The following SUGCT variants were observed in gnomAD, a reference collection of about 807,000 sequenced individuals.
SUGCT encodes succinyl-CoA:glutarate-CoA transferase.
In SUGCT, 41 loss-of-function variants were observed where a neutral mutation model predicts 55.0. The ratio of observed to expected loss-of-function variants is 0.74; its 90% CI spans 0.58 to 0.97. The LOEUF is 0.97. Among genes scored for constraint, SUGCT ranks in the 50% least tolerant of loss-of-function variants. SUGCT has a pLI of 0.00. For missense variants in SUGCT, 568 were observed against 547.8 expected (o/e 1.04, Z -0.37); for synonymous variants, 187 against 200.4 (o/e 0.93, Z 0.56).
chr7:40,138,694 G>A (rs1406175582), intron 1 of SUGCT, among the ~76,000 whole-genome samples: 1 of 152,010 alleles, frequency 6.6e-6, no homozygotes, highest in Non-Finnish European at 1.5e-5. Context: ...TAGCCATTCT[G>A]TTGTGTGTAA....
At chr7:40,789,723 G>A (rs1184673509) in intron 13 of SUGCT, among the ~76,000 whole-genome samples, 1 of 152,150 alleles carries the variant, frequency 6.6e-6, no homozygotes, top group East Asian at 1.9e-4. Flanking sequence ...GTCCTAAAGA[G>A]TAAAAGCCTA....
At chr7:40,654,265 G>A (rs1393214025) in intron 12 of SUGCT, among the ~76,000 whole-genome samples, 1 of 151,382 alleles carries the variant, frequency 6.6e-6, no homozygotes, top group African/African-American at 2.4e-5. Context: ...AGAGCTCAGG[G>A]GAAAAAAAAA....
At chr7:40,734,199 A>G (rs548888768) in intron 12 of SUGCT, among the ~76,000 whole-genome samples, 2 of 152,346 alleles carry the variant, frequency 1.3e-5, no homozygotes, top group African/African-American at 4.8e-5. Flanking sequence ...CACCAGCAGA[A>G]GAAATGACAA....
At chr7:40,367,125 T>C (rs1382853793) in intron 9 of SUGCT, among the ~76,000 whole-genome samples, 1 of 151,972 alleles carries the variant, frequency 6.6e-6, no homozygotes, top group Admixed American at 6.6e-5. Flanking sequence ...GGGACATGGA[T>C]GAAATTGGAA....
chr7:40,703,061 C>CTTTTTT (rs58887234), intron 12 of SUGCT, among the ~76,000 whole-genome samples: 1 of 115,774 alleles, frequency 8.6e-6, no homozygotes. Context: ...TTCAGCCTAG[C>CTTTTTT]TTTTTTTTTT....
intron 9 of SUGCT, among the ~76,000 whole-genome samples, chr7:40,354,224 G>A (rs1276196901): frequency 6.6e-6 from 1 of 152,138 alleles, no homozygotes; most frequent in Admixed American, 6.6e-5. Context: ...TTTGTGAGGT[G>A]GATTTATTGG....
intron 12 of SUGCT, among the ~76,000 whole-genome samples, chr7:40,659,149 C>G (rs961817777): frequency 2.0e-5 from 3 of 152,160 alleles, no homozygotes; most frequent in Admixed American, 2.0e-4. Flanking sequence ...CAGGACAGAT[C>G]AACTCCCAAA....
At chr7:40,540,907 G>T (rs1794636697) in intron 12 of SUGCT, among the ~76,000 whole-genome samples, 1 of 152,224 alleles carries the variant, frequency 6.6e-6, no homozygotes. Flanking sequence ...TTGGCAAGAA[G>T]AGAGCAGTAA....
chr7:40,892,874 C>T, the SUGCT span, among the ~76,000 whole-genome samples: 66 of 152,224 alleles, frequency 4.3e-4, no homozygotes, highest in South Asian at 3.3e-3. Context: ...GACAGAATGG[C>T]TGAATAGATT....
chr7:40,857,644 C>G (rs1294063893), intron 13 of SUGCT, among the ~76,000 whole-genome samples: 1 of 152,058 alleles, frequency 6.6e-6, no homozygotes, highest in African/African-American at 2.4e-5. Context: ...CATTCGATCA[C>G]TGTGTGGAGG....
At chr7:40,664,936 C>T (rs894850050) in intron 12 of SUGCT, among the ~76,000 whole-genome samples, 14 of 148,416 alleles carry the variant, frequency 9.4e-5, no homozygotes, top group African/African-American at 2.3e-4. Context: ...GCTGAGATTG[C>T]GCCACTGCAC....
chr7:40,366,966 G>A (rs557210198), intron 9 of SUGCT, among the ~76,000 whole-genome samples: 4 of 152,248 alleles, frequency 2.6e-5, no homozygotes, highest in South Asian at 4.1e-4. Context: ...ACATGCACAC[G>A]TATGTTTATT....
At chr7:40,934,028 G>T in the SUGCT span, among the ~76,000 whole-genome samples, 4 of 152,280 alleles carry the variant, frequency 2.6e-5, no homozygotes, top group Admixed American at 1.3e-4. Context: ...TTGCTTTTTA[G>T]AATTTTCTGC....
At chr7:40,411,051 A>G (rs1266648103) in intron 9 of SUGCT, among the ~76,000 whole-genome samples, 1 of 152,194 alleles carries the variant, frequency 6.6e-6, no homozygotes, top group Non-Finnish European at 1.5e-5. Context: ...AAAAAAATAT[A>G]GAGTGGGAAA....
the SUGCT span, among the ~76,000 whole-genome samples, chr7:41,006,563 G>A: frequency 3.0e-4 from 46 of 152,290 alleles, no homozygotes; most frequent in African/African-American, 1.1e-3. Flanking sequence ...AATTCCAGGA[G>A]CCAGGTCAAG....
At chr7:40,500,932 A>T (rs1003696360) in intron 12 of SUGCT, among the ~76,000 whole-genome samples, 1 of 151,980 alleles carries the variant, frequency 6.6e-6, no homozygotes, top group African/African-American at 2.4e-5. Flanking sequence ...CTCACTTCTG[A>T]TGCATTTTAA....
intron 12 of SUGCT, among the ~76,000 whole-genome samples, chr7:40,680,621 G>A (rs1266616066): frequency 1.3e-5 from 2 of 152,086 alleles, no homozygotes; most frequent in Non-Finnish European, 2.9e-5. Context: ...GTTCCATGAA[G>A]TTTTACAGGA....
chr7:40,455,933 G>A (rs1307325849), intron 10 of SUGCT, among the ~76,000 whole-genome samples: 1 of 152,122 alleles, frequency 6.6e-6, no homozygotes, highest in Non-Finnish European at 1.5e-5. Flanking sequence ...TGACTTACAG[G>A]CAATGACAAC....
chr7:41,036,113 G>C, the SUGCT span, among the ~76,000 whole-genome samples: 1 of 152,188 alleles, frequency 6.6e-6, no homozygotes, highest in Admixed American at 6.5e-5. Context: ...TACTTGACTG[G>C]TGCCAGGCTT....
Sources: gnomAD v4.1 joint callset for allele counts (sites outside exome capture counted in the v4.1 genomes callset) on GRCh38, gnomAD v4.1.1 for gene constraint, MANE v1.5 for transcripts, NCBI Gene and HGNC (gene_info 2026-07-23, HGNC 2026-07-21) for gene names.